Variants in BRAF observed in about 807,000 individuals in gnomAD.
The protein encoded by BRAF is B-Raf proto-oncogene, serine/threonine kinase, also known as serine/threonine-protein kinase B-raf.
A neutral mutation model predicts 104.6 loss-of-function variants in BRAF; 16 were observed. The ratio of observed to expected loss-of-function variants is 0.15; its 90% confidence interval spans 0.10 to 0.23. The LOEUF (loss-of-function observed/expected upper bound fraction) is 0.23. Among genes scored for constraint, BRAF ranks in the 10% least tolerant of loss-of-function variants. BRAF has a pLI of 1.00. For synonymous variants in BRAF, 310 were observed against 341.6 expected (o/e 0.91, Z 1.02); for missense variants, 541 against 937.3 (o/e 0.58, Z 5.52).
Position 140,724,160 on chromosome 7 carries a change from T to TA in BRAF, c.*2333dup, listed in dbSNP as rs1426007901. The TA allele has an allele frequency of 1.9e-6, 2 of 1,055,478 alleles. No individual in the cohort carries two copies. Among genetic ancestry groups the TA allele is most frequent in the African/African-American group, 3.3e-5 (2 of 60,302 alleles). 65.4% of individuals were successfully genotyped at this position (1,055,478 alleles called of 1,614,324 possible). A position where few individuals can be genotyped will look rare whatever the true frequency, so the allele number is the denominator to read the frequency against. The stretch of plus-strand genomic sequence containing the variant: ...AAAGTGTATCACCCTGAATATTGTT[T>TA]AAGAAACTGAAATGCTAAGCTTCCT... On this transcript the variant is annotated 3_prime_UTR_variant, in exon 20 of 20. Coordinates refer to ENST00000644969, the MANE Select transcript of BRAF (RefSeq NM_001374258.1).
chr7:140,762,771 T>C (rs1289683369), intron 14 of BRAF, among the ~76,000 whole-genome samples: 1 of 152,166 alleles, frequency 6.6e-6, no homozygotes, highest in East Asian at 1.9e-4. Flanking sequence ...GCAGTGTTTG[T>C]GTTCCTGGGT....
At chr7:140,780,118 A>G (rs1800721018) in intron 12 of BRAF, among the ~76,000 whole-genome samples, 1 of 152,158 alleles carries the variant, frequency 6.6e-6, no homozygotes, top group Admixed American at 6.5e-5. Flanking sequence ...AGGTATAAAA[A>G]AATTCCCTTA....
chr7:140,798,261 A>ACTTTTTTTTC lies in BRAF; in HGVS notation c.980+2100_980+2101insGAAAAAAAAG, dbSNP rs552726654. Among the ~76,000 whole-genome samples the ACTTTTTTTTC allele has an allele frequency of 7.9e-4, 18 of 22,768 alleles. 2 individuals carry two copies. Among genetic ancestry groups the ACTTTTTTTTC allele is most frequent in the Admixed American group, 2.7e-3 (5 of 1,846 alleles). 14.9% of individuals were successfully genotyped at this position (22,768 alleles called of 152,430 possible). ...TTCTAGGACAGAATGCTGTATGGGG[A>ACTTTTTTTTC]CTTTTTTTTTCTTTTTTTTGAGACG... On this transcript the variant is annotated intron_variant, in intron 7 of 19. Coordinates refer to ENST00000644969, the MANE Select transcript of BRAF (RefSeq NM_001374258.1).
chr7:140,752,621 CAAG>C (rs2128997458), intron 16 of BRAF, among the ~76,000 whole-genome samples: 2 of 151,314 alleles, frequency 1.3e-5, no homozygotes, highest in South Asian at 2.1e-4. Context: ...AAGCAAAAAA[CAAG>C]AAGAAAGAAA....
In BRAF at chr7:140,828,177, G is replaced by GCTAC. The variant is rs567647032; in HGVS notation, c.504+6428_504+6431dup. Among the ~76,000 whole-genome samples the GCTAC allele has an allele frequency of 4.4e-4, 67 of 152,226 alleles. 1 individual carries two copies. Among genetic ancestry groups the GCTAC allele is most frequent in the African/African-American group, 1.5e-3 (62 of 41,550 alleles). On this transcript the variant is annotated intron_variant, in intron 3 of 19. Transcript: ENST00000644969. ...TCCCATGCTGAGATTACAGGCATGA[G>GCTAC]CTACCGTACCTGGCCAAAATTTGTA...
chr7:140,830,931 GA>G (rs1245024791), intron 3 of BRAF, among the ~76,000 whole-genome samples: 1 of 152,090 alleles, frequency 6.6e-6, no homozygotes, highest in East Asian at 1.9e-4. Flanking sequence ...GAAGTTCTGT[GA>G]GCTATTCTAG....
In BRAF at chr7:140,778,064, C is replaced by A; in HGVS notation, c.1564G>T (p.Val522Leu). 1 of 1,613,350 alleles carries A rather than the reference C, an allele frequency of 6.2e-7. No individual in the cohort carries two copies. Among genetic ancestry groups the A allele is most frequent in the Non-Finnish European group, 8.5e-7 (1 of 1,179,706 alleles). The change falls in exon 13 of 20, where the codon GTG becomes TTG. Residue 522 changes from valine to leucine, a missense_variant. By Grantham distance (32) the Val-to-Leu change is conservative. Transcript: ENST00000644969. Reference sequence around the variant, plus strand: ...GGTGCTGTCACATTCAACATTTTCACTGCCACATCACCTAAAAGGCAATTG... The same window carrying A: ...GGTGCTGTCACATTCAACATTTTCAATGCCACATCACCTAAAAGGCAATTG... The part of the protein sequence containing the change: ...YKGKWHGDVA[V>L]KMLNVTAPTP...
At chr7:140,807,236 C>T (rs1008816796) in intron 5 of BRAF, among the ~76,000 whole-genome samples, 2 of 152,126 alleles carry the variant, frequency 1.3e-5, no homozygotes, top group Non-Finnish European at 2.9e-5. Flanking sequence ...ATTCTATTTC[C>T]ATTAACCTAT....
At chr7:140,887,604 T>A (rs758232022) in intron 1 of BRAF, among the ~76,000 whole-genome samples, 7 of 151,934 alleles carry the variant, frequency 4.6e-5, no homozygotes, top group African/African-American at 7.2e-5. Context: ...GTTTACAAAA[T>A]AGGTATGCAC....
At chr7:140,817,301 G>A (rs1442817838) in intron 3 of BRAF, among the ~76,000 whole-genome samples, 3 of 152,106 alleles carry the variant, frequency 2.0e-5, no homozygotes, top group Admixed American at 1.3e-4. Context: ...AGAAACTGGA[G>A]AGAACACATG....
chr7:140,898,944 G>A (rs866177758), intron 1 of BRAF, among the ~76,000 whole-genome samples: 13 of 152,146 alleles, frequency 8.5e-5, no homozygotes, highest in Middle Eastern at 3.2e-3. Context: ...ATTGATGCAG[G>A]CAGGAGCTGT....
chr7:140,723,068 A>G lies in BRAF; in HGVS notation c.*3426T>C. 9.5e-7 allele frequency: 1 copy of G among 1,051,318 alleles called. No homozygotes were observed. 65.1% of individuals were successfully genotyped at this position (1,051,318 alleles called of 1,614,324 possible). ...AAAATAAATAACTATTCATTACCTC[A>G]TTCTGAAGAGGTAGTTTTTTGTAGA... On this transcript the variant is annotated 3_prime_UTR_variant, in exon 20 of 20. Transcript: ENST00000644969.
At chr7:140,756,501 C>T (rs1052269176) in intron 14 of BRAF, among the ~76,000 whole-genome samples, 2 of 151,712 alleles carry the variant, frequency 1.3e-5, no homozygotes, top group African/African-American at 4.8e-5. Flanking sequence ...GACACTAAAA[C>T]GTAATTTCCT....
At chr7:140,893,628 A>T (rs1814527546) in intron 1 of BRAF, among the ~76,000 whole-genome samples, 1 of 152,160 alleles carries the variant, frequency 6.6e-6, no homozygotes, top group African/African-American at 2.4e-5. Context: ...TAATAAAAAG[A>T]AACAATCCAG....
At chr7:140,818,817 A>G (rs1386213731) in intron 3 of BRAF, among the ~76,000 whole-genome samples, 1 of 152,190 alleles carries the variant, frequency 6.6e-6, no homozygotes, top group Non-Finnish European at 1.5e-5. Context: ...TTGATATTAC[A>G]ATCCTTTGAC....
Position 140,832,104 on chromosome 7 carries a change from A to T in BRAF, c.504+2505T>A, listed in dbSNP as rs1351027730. Among the ~76,000 whole-genome samples the T allele has an allele frequency of 3.3e-5, 5 of 152,202 alleles. No individual in the cohort carries two copies. The East Asian group carries it at 9.6e-4, about 29-fold the overall frequency. Reference sequence around the variant, plus strand: ...TGACAGAATCCTATCCTGTTTTATTATTCTTTTTACATATCTTTACTATCA... The same window carrying T: ...TGACAGAATCCTATCCTGTTTTATTTTTCTTTTTACATATCTTTACTATCA... On this transcript the variant is annotated intron_variant, in intron 3 of 19. Transcript: ENST00000644969.
intron 18 of BRAF, among the ~76,000 whole-genome samples, chr7:140,738,471 G>C (rs1053526183): frequency 3.9e-5 from 6 of 152,170 alleles, no homozygotes; most frequent in African/African-American, 1.4e-4. Flanking sequence ...ATGGGAAATA[G>C]CACTTCCCAC....
intron 1 of BRAF, among the ~76,000 whole-genome samples, chr7:140,871,567 T>C (rs1445844985): frequency 1.3e-5 from 2 of 152,146 alleles, no homozygotes; most frequent in African/African-American, 2.4e-5. Context: ...TAACTTCCAA[T>C]ATTTTTAACC....
chr7:140,905,153 G>A (rs998105995), intron 1 of BRAF, among the ~76,000 whole-genome samples: 1 of 152,046 alleles, frequency 6.6e-6, no homozygotes, highest in Non-Finnish European at 1.5e-5. Flanking sequence ...ACACCCACTG[G>A]GTTAAACTTG....
Sources: gnomAD v4.1 joint callset for allele counts (sites outside exome capture counted in the v4.1 genomes callset) on GRCh38, gnomAD v4.1.1 for gene constraint, MANE v1.5 for transcripts, NCBI Gene and HGNC (gene_info 2026-07-23, HGNC 2026-07-21) for gene names.